The following TSHZ2 variants were observed in gnomAD, a reference collection of about 807,000 sequenced individuals.
TSHZ2 encodes the protein teashirt zinc finger homeobox 2.
In TSHZ2, 21 loss-of-function variants were observed where a neutral mutation model predicts 74.4. The ratio of observed to expected loss-of-function variants is 0.28; its 90% CI spans 0.20 to 0.41. The LOEUF is 0.41. TSHZ2 is among the 10% of genes least tolerant of loss of function. The pLI is 1.00. For synonymous variants in TSHZ2, 540 were observed against 515.3 expected (o/e 1.05, Z -0.65); for missense variants, 1,244 against 1,293.5 (o/e 0.96, Z 0.59).
At chr20:53,134,025 G>C (rs1023401168) in intron 1 of TSHZ2, among the ~76,000 whole-genome samples, 1 of 147,928 alleles carries the variant, frequency 6.8e-6, no homozygotes, top group Non-Finnish European at 1.5e-5. Flanking sequence ...ACTATCTGGA[G>C]AAACAGATAG....
At chr20:53,420,304 G>C (rs904358235) in intron 2 of TSHZ2, among the ~76,000 whole-genome samples, 4 of 152,198 alleles carry the variant, frequency 2.6e-5, no homozygotes, top group South Asian at 2.1e-4. Context: ...CGGGCATGCA[G>C]ATATCTAGGA....
rs751802375 is a variant in TSHZ2 at position 53,254,731 on chromosome 20, G to A, written c.1273G>A (p.Ala425Thr). Reference protein sequence around the residue: ...KGKQLVLDPLAVEKMQSLSEA... With the variant: ...KGKQLVLDPLTVEKMQSLSEA... ...GAAGCAGCTGGTATTAGACCCGTTA[G>A]CAGTGGAGAAAATGCAGTCGTTGTC... Residue 425 changes from alanine to threonine, a missense_variant, in exon 2 of 3, where the codon GCA (alanine) becomes ACA (threonine). Ala to Thr is a moderately conservative substitution (Grantham distance 58). Around this residue, in one of 6 missense-constraint regions of TSHZ2, gnomAD observed 562 missense variants for 544.0 expected, o/e 1.03. Coordinates refer to ENST00000371497, the MANE Select transcript of TSHZ2 (RefSeq NM_173485.6). 2 of 1,613,858 alleles carry A rather than the reference G, an allele frequency of 1.2e-6. No homozygotes were observed. The highest frequency in any genetic ancestry group is 3.3e-5 in the Admixed American group (2 of 60,014).
intron 2 of TSHZ2, among the ~76,000 whole-genome samples, chr20:53,344,811 T>C (rs1466109157): frequency 3.9e-5 from 6 of 152,236 alleles, no homozygotes; most frequent in Non-Finnish European, 8.8e-5. Context: ...CTTTCTCCCC[T>C]GCACAATAGA....
chr20:53,345,473 T>G (rs989654054), intron 2 of TSHZ2, among the ~76,000 whole-genome samples: 3 of 151,812 alleles, frequency 2.0e-5, no homozygotes, highest in Non-Finnish European at 4.4e-5. Flanking sequence ...TTGTAAGAAA[T>G]CATAGAGGAA....
At chr20:52,995,126 T>G (rs1318361860) in intron 1 of TSHZ2, among the ~76,000 whole-genome samples, 3 of 152,156 alleles carry the variant, frequency 2.0e-5, no homozygotes, top group Admixed American at 2.0e-4. Context: ...ATGAATCCTG[T>G]TTTTGCCTGT....
At chr20:53,243,830 T>C (rs1035906128) in intron 1 of TSHZ2, among the ~76,000 whole-genome samples, 6 of 151,730 alleles carry the variant, frequency 4.0e-5, no homozygotes, top group Non-Finnish European at 7.4e-5. Flanking sequence ...TGCTTTTTTT[T>C]TTTTTCTTTC....
chr20:53,345,561 C>CTTGTTGGTGAGGAAGCCTTGTTT (rs1980404825), intron 2 of TSHZ2, among the ~76,000 whole-genome samples: 1 of 152,148 alleles, frequency 6.6e-6, no homozygotes, highest in Non-Finnish European at 1.5e-5. Flanking sequence ...TGAGGAACTA[C>CTTGTTGGTGAGGAAGCCTTGTTT]TTCACTCTAG....
At chr20:53,359,203 G>A (rs1335411223) in intron 2 of TSHZ2, among the ~76,000 whole-genome samples, 6 of 152,064 alleles carry the variant, frequency 3.9e-5, no homozygotes, top group East Asian at 3.9e-4. Context: ...ATTTGCTTTT[G>A]TAGATAAAGA....
At chr20:53,029,855 GT>G (rs11477572) in intron 1 of TSHZ2, among the ~76,000 whole-genome samples, 56,584 of 151,818 alleles carry the variant, frequency 0.37, 10,937 homozygotes, top group African/African-American at 0.47. Context: ...GAAATTTGGA[GT>G]TTTTTTGATA....
At chr20:53,439,644 A>G (rs1231563047) in intron 2 of TSHZ2, among the ~76,000 whole-genome samples, 1 of 152,190 alleles carries the variant, frequency 6.6e-6, no homozygotes, top group Non-Finnish European at 1.5e-5. Flanking sequence ...TCCCTGTGGC[A>G]TAAATTGTTC....
intron 1 of TSHZ2, among the ~76,000 whole-genome samples, chr20:53,113,136 A>G (rs1014933703): frequency 4.6e-5 from 7 of 152,264 alleles, no homozygotes; most frequent in Admixed American, 2.0e-4. Flanking sequence ...GTCAGGTGTC[A>G]GGGAAATAGA....
chr20:53,322,968 G>A (rs929851228), intron 2 of TSHZ2, among the ~76,000 whole-genome samples: 1 of 152,190 alleles, frequency 6.6e-6, no homozygotes, highest in East Asian at 1.9e-4. Flanking sequence ...TGCCTCCAGG[G>A]TGGGTTGTAG....
chr20:53,453,617 T>C (rs568666912), intron 2 of TSHZ2, among the ~76,000 whole-genome samples: 56 of 152,364 alleles, frequency 3.7e-4, no homozygotes, highest in African/African-American at 1.3e-3. Flanking sequence ...AAGCCACTTA[T>C]GTGATAATGA....
chr20:52,984,115 C>G (rs551886755), intron 1 of TSHZ2, among the ~76,000 whole-genome samples: 16 of 152,158 alleles, frequency 1.1e-4, no homozygotes, highest in African/African-American at 3.9e-4. Context: ...GATTTGGGAT[C>G]CTGGAGAGCA....
At chr20:53,471,812 T>C (rs1985813271) in intron 2 of TSHZ2, among the ~76,000 whole-genome samples, 1 of 149,134 alleles carries the variant, frequency 6.7e-6, no homozygotes, top group African/African-American at 2.5e-5. Flanking sequence ...TCTTTTTTTT[T>C]TTTTTTTTTT....
chr20:53,001,921 A>G (rs1982455670), intron 1 of TSHZ2, among the ~76,000 whole-genome samples: 1 of 152,224 alleles, frequency 6.6e-6, no homozygotes, highest in South Asian at 2.1e-4. Flanking sequence ...AGAACGGACT[A>G]AAGAACATCA....
intron 1 of TSHZ2, among the ~76,000 whole-genome samples, chr20:53,128,080 T>G (rs1041775014): frequency 6.6e-6 from 1 of 152,148 alleles, no homozygotes; most frequent in Non-Finnish European, 1.5e-5. Flanking sequence ...AGATAGTAGA[T>G]TTCATCTTGA....
chr20:53,452,288 C>A (rs1255729171), intron 2 of TSHZ2, among the ~76,000 whole-genome samples: 2 of 152,142 alleles, frequency 1.3e-5, no homozygotes, highest in Non-Finnish European at 2.9e-5. Context: ...AATTTAACAC[C>A]ATCTCTTATT....
At chr20:53,193,808 G>A (rs1472465944) in intron 1 of TSHZ2, among the ~76,000 whole-genome samples, 1 of 152,178 alleles carries the variant, frequency 6.6e-6, no homozygotes, top group Non-Finnish European at 1.5e-5. Flanking sequence ...AACCCATGTT[G>A]AGTTGACAAT....
Sources: allele counts gnomAD v4.1 joint callset (sites outside exome capture counted in the v4.1 genomes callset), GRCh38; gene constraint gnomAD v4.1.1; regional missense constraint gnomAD v4.1.1; transcripts MANE v1.5; gene names NCBI Gene and HGNC (gene_info 2026-07-23, HGNC 2026-07-21).